The following ADAMTS2 variants were observed in gnomAD, a reference collection of about 807,000 sequenced individuals.
ADAMTS2 encodes ADAM metallopeptidase with thrombospondin type 1 motif 2.
A neutral mutation model predicts 123.0 loss-of-function variants in ADAMTS2; 50 were observed. The observed-to-expected ratio is 0.41, with a 90% CI of 0.32 to 0.51. The LOEUF (loss-of-function observed/expected upper bound fraction) is 0.51, where lower values mean the gene tolerates loss of function less well. Ranked by LOEUF, ADAMTS2 falls within the 20% of genes least tolerant of loss-of-function variation. The pLI, the probability that ADAMTS2 is intolerant of heterozygous loss-of-function variation, is 0.35. For synonymous variants in ADAMTS2, 678 were observed against 695.4 expected, an observed-to-expected ratio of 0.98 and a Z score of 0.39; for missense variants, 1,494 against 1,705.2, an observed-to-expected ratio of 0.88 and a Z score of 2.18.
chr5:179,325,724 G>A lies in ADAMTS2; in HGVS notation c.534+18043C>T, dbSNP rs1052091130. 4.6e-5 allele frequency among the ~76,000 whole-genome samples: 7 copies of A among 152,258 alleles called. No homozygotes were observed. The East Asian group carries it at 1.2e-3, about 25-fold the overall frequency. On this transcript the variant is annotated intron_variant, in intron 2 of 21. Transcript: ENST00000251582. Reference sequence around the variant, plus strand: ...CCCAGGCAGGACCCACGGGGAGGGCGGCTGAGCTGAAACCGTGCGGGAGGC... The same window carrying A: ...CCCAGGCAGGACCCACGGGGAGGGCAGCTGAGCTGAAACCGTGCGGGAGGC...
intron 5 of ADAMTS2, among the ~76,000 whole-genome samples, chr5:179,167,364 G>C (rs1033345619): frequency 1.3e-5 from 2 of 152,100 alleles, no homozygotes; most frequent in African/African-American, 4.8e-5. Context: ...CGGGCTCCCG[G>C]GGCCCCAGCG....
In ADAMTS2 at chr5:179,153,448, C is replaced by A. The variant is rs200031464; in HGVS notation, c.1515+43G>T. 280 of 1,601,494 alleles carry A rather than the reference C, an allele frequency of 1.7e-4. No homozygotes were observed. The African/African-American group carries it at 3.3e-3, about 19-fold the overall frequency. The stretch of plus-strand genomic sequence containing the variant: ...GCTGCCCCTACACCAGCACGCCTCC[C>A]CCCAGACCTGGGAGGGTCCCGGCTG... On this transcript the variant is annotated intron_variant, in intron 9 of 21. Transcript: ENST00000251582.
chr5:179,226,433 A>AT lies in ADAMTS2; in HGVS notation c.689-18719dup, dbSNP rs3084688. Among the ~76,000 whole-genome samples, 1,172 of 144,482 alleles carry AT rather than the reference A, an allele frequency of 8.1e-3. 12 individuals carry two copies. The highest frequency in any genetic ancestry group is 0.014 in the Admixed American group (210 of 14,626). The allele number at this position is 144,482 out of a possible 152,430, so 94.8% of individuals were successfully genotyped here. A position where few individuals can be genotyped will look rare whatever the true frequency, so the allele number is the denominator to read the frequency against. ...AGGTGCCTGCTATCATACCTGGTTA[A>AT]TTTTTTTTTTTTTTTGTATTTTTAG... is the stretch of plus-strand genomic sequence containing the variant. On this transcript the variant is annotated intron_variant, in intron 3 of 21. Coordinates refer to ENST00000251582, the MANE Select transcript of ADAMTS2 (RefSeq NM_014244.5).
intron 10 of ADAMTS2, among the ~76,000 whole-genome samples, chr5:179,141,294 A>G (rs1763165898): frequency 6.6e-6 from 1 of 152,292 alleles, no homozygotes; most frequent in East Asian, 1.9e-4. Context: ...AGGCTATATA[A>G]TCTCTGTTGC....
chr5:179,247,189 A>T (rs1477300659), intron 3 of ADAMTS2, among the ~76,000 whole-genome samples: 1 of 152,204 alleles, frequency 6.6e-6, no homozygotes, highest in Non-Finnish European at 1.5e-5. Flanking sequence ...ATCAATAAAG[A>T]AATAGAAATT....
Position 179,155,660 on chromosome 5 carries a change from A to G in ADAMTS2, c.1133-741T>C, listed in dbSNP as rs1763455357. Among the ~76,000 whole-genome samples, 1 of 152,184 alleles carries G rather than the reference A, an allele frequency of 6.6e-6. No homozygotes were observed. The highest frequency in any genetic ancestry group is 2.4e-5 in the African/African-American group (1 of 41,444). ...CCACGTCAAACTGAGGAAGATGGAT[A>G]ATGAGACCTATTCACTTCCCCAGCT... On this transcript the variant is annotated intron_variant, in intron 6 of 21. Coordinates refer to ENST00000251582, the MANE Select transcript of ADAMTS2 (RefSeq NM_014244.5). This position sits in a 1 kb window ranked among gnomAD's most constrained non-coding sequence, Gnocchi z 5.1.
At chr5:179,183,220 C>A (rs184660896) in intron 4 of ADAMTS2, among the ~76,000 whole-genome samples, 2 of 152,320 alleles carry the variant, frequency 1.3e-5, no homozygotes, top group Admixed American at 6.5e-5. Flanking sequence ...GCCTTAAAAG[C>A]CAGTTTTTCT....
At chr5:179,179,544 C>CCTT (rs533133637) in intron 5 of ADAMTS2, among the ~76,000 whole-genome samples, 157 of 152,252 alleles carry the variant, frequency 1.0e-3, no homozygotes, top group Non-Finnish European at 2.0e-3. Context: ...AAATTCTATG[C>CCTT]CTTATTAGCA....
chr5:179,177,233 T>A (rs1299335607), intron 5 of ADAMTS2, among the ~76,000 whole-genome samples: 1 of 152,226 alleles, frequency 6.6e-6, no homozygotes, highest in African/African-American at 2.4e-5. Flanking sequence ...TTTCCTGATA[T>A]TAAACAATCT....
At chr5:179,149,467 C>T (rs982229186) in intron 10 of ADAMTS2, among the ~76,000 whole-genome samples, 4 of 152,154 alleles carry the variant, frequency 2.6e-5, no homozygotes, top group African/African-American at 9.7e-5. Flanking sequence ...TGTCCTGGCA[C>T]CGTGGAAGGC....
At chr5:179,138,436 A>G (rs988306622) in intron 11 of ADAMTS2, among the ~76,000 whole-genome samples, 6 of 152,332 alleles carry the variant, frequency 3.9e-5, no homozygotes, top group African/African-American at 1.4e-4. Flanking sequence ...GTTCTCAGCA[A>G]GTGTCTTGGC....
intron 2 of ADAMTS2, among the ~76,000 whole-genome samples, chr5:179,302,639 C>CGG (rs199873301): frequency 2.0e-5 from 3 of 151,474 alleles, no homozygotes; most frequent in African/African-American, 2.4e-5. Flanking sequence ...TGCTATCTCC[C>CGG]GGGGGGGCAA....
In ADAMTS2 at chr5:179,284,188, G is replaced by T. The variant is rs1445320781; in HGVS notation, c.535-11124C>A. On this transcript the variant is annotated intron_variant, in intron 2 of 21. Transcript: ENST00000251582. ...TACTAAAAACACAAAAATTAGCCGG[G>T]CTTGGTGGTACGCGCCTGTGGTCCC... Among the ~76,000 whole-genome samples, 3 of 150,378 alleles carry T rather than the reference G, an allele frequency of 2.0e-5. No homozygotes were observed. The East Asian group carries it at 6.1e-4, about 30-fold the overall frequency.
chr5:179,305,387 T>C (rs1218292566), intron 2 of ADAMTS2, among the ~76,000 whole-genome samples: 2 of 152,142 alleles, frequency 1.3e-5, no homozygotes, highest in Non-Finnish European at 1.5e-5. Flanking sequence ...ACAACAACAT[T>C]CAGGGGAGGA....
At chr5:179,254,697 C>T (rs1766005912) in intron 3 of ADAMTS2, among the ~76,000 whole-genome samples, 1 of 152,208 alleles carries the variant, frequency 6.6e-6, no homozygotes, top group South Asian at 2.1e-4. Context: ...CCATAGCCCC[C>T]TCTGCCTGAC....
intron 10 of ADAMTS2, among the ~76,000 whole-genome samples, chr5:179,148,216 C>T (rs1468083132): frequency 6.6e-6 from 1 of 152,112 alleles, no homozygotes; most frequent in African/African-American, 2.4e-5. Flanking sequence ...CCTCCCTGCC[C>T]CTGTGCACGC....
At chr5:179,342,960 C>A (rs763246560) in intron 2 of ADAMTS2, among the ~76,000 whole-genome samples, 3 of 152,212 alleles carry the variant, frequency 2.0e-5, no homozygotes, top group Non-Finnish European at 4.4e-5. Context: ...AAAGGGATCC[C>A]CTAGCCTCTC....
chr5:179,203,674 C>G (rs1764615523), intron 4 of ADAMTS2, among the ~76,000 whole-genome samples: 1 of 152,178 alleles, frequency 6.6e-6, no homozygotes, highest in African/African-American at 2.4e-5. Context: ...AAACAAAGTA[C>G]TCTTCGGGGT....
At chr5:179,127,317 G>A (rs1028111555) in intron 17 of ADAMTS2, among the ~76,000 whole-genome samples, 7 of 152,298 alleles carry the variant, frequency 4.6e-5, no homozygotes, top group Non-Finnish European at 1.0e-4. Flanking sequence ...ATCTGCCTGG[G>A]CCAGGGAGTG....
Sources: allele counts gnomAD v4.1 joint callset (sites outside exome capture counted in the v4.1 genomes callset), GRCh38; gene constraint gnomAD v4.1.1; non-coding constraint Gnocchi (gnomAD v3.1); transcripts MANE v1.5; gene names NCBI Gene and HGNC (gene_info 2026-07-23, HGNC 2026-07-21).